The following CALN1 variants were observed in gnomAD, a reference collection of about 807,000 sequenced individuals.
The protein encoded by CALN1 is calneuron 1.
Under a neutral mutation model 30.6 loss-of-function variants are expected in CALN1, and 17 were observed. The observed-to-expected ratio is 0.56, with a 90% CI of 0.38 to 0.83. CALN1 has a LOEUF of 0.83. Ranked by LOEUF, CALN1 falls within the 40% of genes least tolerant of loss-of-function variation. The pLI is 0.00. For synonymous variants in CALN1, 156 were observed against 131.4 expected (o/e 1.19, Z -1.28); for missense variants, 291 against 354.9 (o/e 0.82, Z 1.45).
At chr7:72,443,924 A>G (rs1028783498) in intron 1 of CALN1, among the ~76,000 whole-genome samples, 2 of 132,988 alleles carry the variant, frequency 1.5e-5, no homozygotes, top group African/African-American at 2.8e-5. Context: ...GCTCACTGCA[A>G]ACTCCGGGAG....
At chr7:72,345,557 A>G (rs1802603190) in intron 2 of CALN1, among the ~76,000 whole-genome samples, 1 of 139,052 alleles carries the variant, frequency 7.2e-6, no homozygotes, top group African/African-American at 2.6e-5. Flanking sequence ...GGAAAGAAGA[A>G]AGGGAGGGAG....
At chr7:72,207,392 C>G (rs967471393) in intron 3 of CALN1, among the ~76,000 whole-genome samples, 18 of 152,142 alleles carry the variant, frequency 1.2e-4, no homozygotes, top group African/African-American at 4.3e-4. Context: ...AACTCCTATG[C>G]GGTTCCCAAC....
chr7:72,350,489 T>C lies in CALN1; in HGVS notation c.119+52762A>G, dbSNP rs73362974. 4.4e-3 allele frequency among the ~76,000 whole-genome samples: 672 copies of C among 152,278 alleles called. 4 individuals carry two copies. The highest frequency in any genetic ancestry group is 0.015 in the African/African-American group (639 of 41,554). ...GATCATGTCTTTTGCACAACAGGGA[T>C]AGAGCTGGAGGCCATTATCCTAAGC... On this transcript the variant is annotated intron_variant, in intron 2 of 6. Transcript: ENST00000395275.
At chr7:72,319,724 CAG>C (rs1315657784) in intron 2 of CALN1, among the ~76,000 whole-genome samples, 3 of 152,052 alleles carry the variant, frequency 2.0e-5, no homozygotes, top group Non-Finnish European at 4.4e-5. Context: ...TTTAAAAGAA[CAG>C]AGGTAAATCT....
intron 5 of CALN1, among the ~76,000 whole-genome samples, chr7:71,880,580 C>G (rs889022473): frequency 1.3e-5 from 2 of 152,150 alleles, no homozygotes; most frequent in African/African-American, 4.8e-5. Flanking sequence ...AATCCAATCT[C>G]TCCCCCGAAT....
chr7:72,434,070 A>G (rs998372837), intron 1 of CALN1, among the ~76,000 whole-genome samples: 51 of 151,854 alleles, frequency 3.4e-4, no homozygotes, highest in Non-Finnish European at 4.1e-4. Flanking sequence ...TGAAAGAAAA[A>G]AAAAAAACTG....
intron 5 of CALN1, among the ~76,000 whole-genome samples, chr7:71,860,833 G>A (rs1178244892): frequency 6.6e-6 from 1 of 152,122 alleles, no homozygotes; most frequent in South Asian, 2.1e-4. Flanking sequence ...GATGATTAAT[G>A]CCTGAATCCT....
chr7:71,843,829 C>T (rs1198259569), intron 5 of CALN1, among the ~76,000 whole-genome samples: 2 of 152,184 alleles, frequency 1.3e-5, no homozygotes, highest in East Asian at 3.8e-4. Context: ...TAATTTCCTC[C>T]CCTGTGTCCT....
intron 2 of CALN1, among the ~76,000 whole-genome samples, chr7:72,328,688 G>A (rs1342893899): frequency 2.6e-5 from 4 of 152,056 alleles, no homozygotes; most frequent in South Asian, 4.1e-4. Context: ...GGTGATCATC[G>A]GTGTCTACAT....
chr7:72,295,172 A>T (rs1798765599), intron 2 of CALN1, among the ~76,000 whole-genome samples: 1 of 152,198 alleles, frequency 6.6e-6, no homozygotes, highest in African/African-American at 2.4e-5. Flanking sequence ...AATTTTTTTA[A>T]AATAAAATAG....
intron 4 of CALN1, among the ~76,000 whole-genome samples, chr7:72,053,244 C>T (rs1802954660): frequency 6.6e-6 from 1 of 152,104 alleles, no homozygotes; most frequent in African/African-American, 2.4e-5. Context: ...AACAAACAAA[C>T]AAAGGAATAT....
intron 5 of CALN1, among the ~76,000 whole-genome samples, chr7:71,889,293 C>T (rs1793098434): frequency 6.6e-6 from 1 of 152,164 alleles, no homozygotes; most frequent in African/African-American, 2.4e-5. Context: ...TGGTGGAAGG[C>T]AAGCTCCCTT....
intron 2 of CALN1, chr7:72,336,715 C>T: frequency 1.1e-5 from 11 of 985,368 alleles, no homozygotes; most frequent in Non-Finnish European, 1.3e-5. Context: ...TCTTGCTGGG[C>T]CGGGGCTCCG....
rs186346371 is a variant in CALN1 at position 71,997,387 on chromosome 7, A to G, written c.501+26270T>C. 2.8e-4 allele frequency among the ~76,000 whole-genome samples: 43 copies of G among 152,342 alleles called. 1 individual carries two copies. Among genetic ancestry groups the G allele is most frequent in the Middle Eastern group, 3.4e-3 (1 of 294 alleles). On this transcript the variant is annotated intron_variant, in intron 5 of 6. Transcript: ENST00000395275. ...GACAGATCAATAAAATTCACTCATT[A>G]TGAACACCAGAAAGAAAATAGATGA...
chr7:72,058,825 G>A (rs1405280964), intron 4 of CALN1, among the ~76,000 whole-genome samples: 1 of 152,070 alleles, frequency 6.6e-6, no homozygotes, highest in Non-Finnish European at 1.5e-5. Context: ...AGTGCAAAAG[G>A]ACAGTGACGT....
chr7:72,125,444 G>T (rs1388628774), intron 3 of CALN1, among the ~76,000 whole-genome samples: 4 of 152,220 alleles, frequency 2.6e-5, no homozygotes, highest in African/African-American at 9.6e-5. Flanking sequence ...CTGCGTGCTT[G>T]CCATCCACTA....
chr7:71,855,844 T>C (rs1349699696), intron 5 of CALN1, among the ~76,000 whole-genome samples: 1 of 152,202 alleles, frequency 6.6e-6, no homozygotes, highest in Non-Finnish European at 1.5e-5. Flanking sequence ...TGGTCAGAGT[T>C]GATTTCTGTA....
At chr7:72,022,221 A>G (rs1040732778) in intron 5 of CALN1, among the ~76,000 whole-genome samples, 2 of 152,136 alleles carry the variant, frequency 1.3e-5, no homozygotes, top group Non-Finnish European at 2.9e-5. Flanking sequence ...TTGCCCTTCC[A>G]TTCATCTATT....
intron 5 of CALN1, among the ~76,000 whole-genome samples, chr7:71,993,816 TATCA>T (rs1799091747): frequency 6.6e-6 from 1 of 152,172 alleles, no homozygotes; most frequent in Non-Finnish European, 1.5e-5. Context: ...ATCATCATTT[TATCA>T]CTTGAGACAC....
Sources: allele counts gnomAD v4.1 joint callset (sites outside exome capture counted in the v4.1 genomes callset), GRCh38; gene constraint gnomAD v4.1.1; transcripts MANE v1.5; gene names NCBI Gene and HGNC (gene_info 2026-07-23, HGNC 2026-07-21).